Variants in CACNA1C observed in about 807,000 individuals in gnomAD.
The protein encoded by CACNA1C is voltage-dependent L-type calcium channel subunit alpha-1C.
Under a neutral mutation model 229.0 loss-of-function variants are expected in CACNA1C, and 30 were observed. The ratio of observed to expected loss-of-function variants is 0.13; its 90% confidence interval spans 0.10 to 0.18. The LOEUF is 0.18. Among genes scored for constraint, CACNA1C ranks in the 10% least tolerant of loss-of-function variants. The pLI, the probability that CACNA1C is intolerant of heterozygous loss-of-function variation, is 1.00. For synonymous variants in CACNA1C, 1,114 were observed against 1,132.5 expected, an observed-to-expected ratio of 0.98 and a Z score of 0.33; for missense variants, 1,658 against 2,845.0, an observed-to-expected ratio of 0.58 and a Z score of 9.49.
intron 3 of CACNA1C, among the ~76,000 whole-genome samples, chr12:2,424,868 T>C (rs1288523305): frequency 1.3e-5 from 2 of 152,242 alleles, no homozygotes; most frequent in Non-Finnish European, 2.9e-5. Flanking sequence ...CCTAACACCA[T>C]GACAAGGCCA....
At chr12:2,325,166 T>C (rs1221628034) in intron 3 of CACNA1C, among the ~76,000 whole-genome samples, 2 of 152,160 alleles carry the variant, frequency 1.3e-5, no homozygotes, top group Non-Finnish European at 2.9e-5. Flanking sequence ...TCCTATGCTC[T>C]GTGTGTCACC....
rs373500445 is a variant in CACNA1C, at chr12:2,432,765, C to T, written c.478-16211C>T. Among the ~76,000 whole-genome samples the T allele has an allele frequency of 2.6e-5, 4 of 152,340 alleles. 1 individual carries two copies. In the East Asian group the frequency reaches 5.8e-4, roughly 22 times the overall value. ...TGGCCTTGAGCAGGTCCTTCCCCCT[C>T]TTTGTGCTATACTGTCTTCATCTGA... On this transcript the variant is annotated intron_variant, in intron 3 of 46. Transcript: ENST00000399655.
chr12:2,353,803 A>G (rs1436963086), intron 3 of CACNA1C, among the ~76,000 whole-genome samples: 1 of 152,092 alleles, frequency 6.6e-6, no homozygotes, highest in African/African-American at 2.4e-5. Flanking sequence ...TGGGATTCTG[A>G]TGAGATGGCT....
At chr12:2,104,891 A>G (rs1446083824) in intron 1 of CACNA1C, among the ~76,000 whole-genome samples, 1 of 152,214 alleles carries the variant, frequency 6.6e-6, no homozygotes, top group Non-Finnish European at 1.5e-5. Context: ...GGCAAAAATT[A>G]TGGCAATTTG....
intron 3 of CACNA1C, among the ~76,000 whole-genome samples, chr12:2,331,497 G>C (rs2096547390): frequency 6.6e-6 from 1 of 152,236 alleles, no homozygotes. Context: ...AAAGGACACA[G>C]AAGTCCCATC....
intron 3 of CACNA1C, among the ~76,000 whole-genome samples, chr12:2,164,581 G>A (rs138526328): frequency 1.4e-3 from 217 of 152,250 alleles, no homozygotes; most frequent in African/African-American, 4.4e-3. Flanking sequence ...CTTATCACCC[G>A]CACCTCTGAT....
rs2097781795 is a variant in CACNA1C at position 2,691,079 on chromosome 12, C to T, written c.6297C>T (p.Asn2099=). 2 of 1,611,786 alleles carry T rather than the reference C, an allele frequency of 1.2e-6. No homozygotes were observed. The highest frequency in any genetic ancestry group is 1.1e-5 in the South Asian group (1 of 90,562). ...SPNGALLPFV[N]CRDAGQDRAG... Reference sequence around the variant, plus strand: ...ATGGCGCCCTCTTACCCTTTGTGAACTGCAGGGACGCGGGGCAGGACCGAG... The same window carrying T: ...ATGGCGCCCTCTTACCCTTTGTGAATTGCAGGGACGCGGGGCAGGACCGAG... The change falls in exon 47 of 47, where the codon AAC becomes AAT. Residue 2099 remains asparagine (N), a synonymous_variant. Coordinates refer to ENST00000399655, the MANE Select transcript of CACNA1C (RefSeq NM_000719.7).
At chr12:2,294,474 G>A (rs2093824934) in intron 3 of CACNA1C, among the ~76,000 whole-genome samples, 2 of 152,000 alleles carry the variant, frequency 1.3e-5, no homozygotes, top group African/African-American at 2.4e-5. Flanking sequence ...GAGGAGACTC[G>A]GAAGGGTCAC....
intron 3 of CACNA1C, among the ~76,000 whole-genome samples, chr12:2,228,763 C>T (rs370501526): frequency 6.6e-6 from 1 of 152,156 alleles, no homozygotes; most frequent in East Asian, 1.9e-4. Context: ...ATGAACAGTG[C>T]CCCACTTTTC....
intron 3 of CACNA1C, among the ~76,000 whole-genome samples, chr12:2,374,310 G>C (rs766611037): frequency 2.6e-5 from 4 of 152,140 alleles, no homozygotes; most frequent in Non-Finnish European, 5.9e-5. Flanking sequence ...GGTTCTATGT[G>C]GTTTTTTATT....
intron 3 of CACNA1C, among the ~76,000 whole-genome samples, chr12:2,334,074 A>C (rs1421261979): frequency 1.3e-5 from 2 of 152,116 alleles, no homozygotes; most frequent in African/African-American, 4.8e-5. Context: ...ATCATTCCTA[A>C]TGCTGCTTCC....
At chr12:2,192,984 C>T (rs1211441438) in intron 3 of CACNA1C, among the ~76,000 whole-genome samples, 1 of 152,226 alleles carries the variant, frequency 6.6e-6, no homozygotes, top group African/African-American at 2.4e-5. Flanking sequence ...TCTGTTTGAG[C>T]AGATTTCCCC....
intron 1 of CACNA1C, among the ~76,000 whole-genome samples, chr12:2,043,610 A>G (rs1222484354): frequency 2.0e-5 from 3 of 150,212 alleles, no homozygotes; most frequent in Non-Finnish European, 4.4e-5. Flanking sequence ...TCACTCTGCC[A>G]TGTGCCCCAG....
At chr12:2,517,589 C>A (rs1378381331) in intron 9 of CACNA1C, among the ~76,000 whole-genome samples, 4 of 152,212 alleles carry the variant, frequency 2.6e-5, no homozygotes, top group Admixed American at 6.5e-5. Flanking sequence ...AAGAGCCAAG[C>A]CCCTTTTCTC....
intron 31 of CACNA1C, among the ~76,000 whole-genome samples, chr12:2,648,802 T>C (rs2094605880): frequency 6.6e-6 from 1 of 152,164 alleles, no homozygotes. Context: ...CCATTTCCTG[T>C]TAAACACCCT....
At position 2,601,737 on chromosome 12, in the gene CACNA1C, C is replaced by T. The variant is rs550262230; in HGVS notation, c.2854-117C>T. Reference sequence around the variant, plus strand: ...CGCCGTCTTTGTCCTTCCTGTTCCCCATGGATGGTGCTTGGGACTTGCCCA... The same window carrying T: ...CGCCGTCTTTGTCCTTCCTGTTCCCTATGGATGGTGCTTGGGACTTGCCCA... On this transcript the variant is annotated intron_variant, in intron 21 of 46. Transcript: ENST00000399655. This position sits in a 1 kb window ranked among gnomAD's most constrained non-coding sequence, Gnocchi z 5.9. 2 of 739,764 alleles carry T rather than the reference C, an allele frequency of 2.7e-6. No individual in the cohort carries two copies. The highest frequency in any genetic ancestry group is 2.5e-6 in the Non-Finnish European group (1 of 399,766). The allele number at this position is 739,764 out of a possible 1,614,324, so 45.8% of individuals were successfully genotyped here.
At chr12:2,200,609 T>A (rs939645935) in intron 3 of CACNA1C, among the ~76,000 whole-genome samples, 1 of 152,186 alleles carries the variant, frequency 6.6e-6, no homozygotes, top group East Asian at 1.9e-4. Flanking sequence ...CCTACTCCCA[T>A]GAAGCTTATA....
At chr12:2,204,936 AT>A (rs1383469535) in intron 3 of CACNA1C, among the ~76,000 whole-genome samples, 1 of 128,048 alleles carries the variant, frequency 7.8e-6, no homozygotes, top group Non-Finnish European at 1.8e-5. Context: ...TAAAACTTTA[AT>A]AAAAAAAAAT....
rs940854113 is a variant in CACNA1C at position 2,582,938 on chromosome 12, A to G, written c.2220A>G (p.Gly740=). Residue 740 remains glycine, a synonymous_variant, in exon 15 of 47, where the codon GGA becomes GGG. Transcript: ENST00000399655. The stretch of plus-strand genomic sequence containing the variant: ...ACTTCATCATCCTCTTCATCTGTGG[A>G]AACTGTATCCTTTGCTGCTGCCCCC... ...CIYFIILFIC[G]NYILLNVFLA... The G allele has an allele frequency of 9.6e-6, 15 of 1,566,002 alleles. No homozygotes were observed. Among genetic ancestry groups the G allele is most frequent in the Non-Finnish European group, 1.3e-5 (15 of 1,154,556 alleles).
Sources: gnomAD v4.1 joint callset for allele counts (sites outside exome capture counted in the v4.1 genomes callset) on GRCh38, gnomAD v4.1.1 for gene constraint, Gnocchi (gnomAD v3.1) non-coding constraint, MANE v1.5 for transcripts, NCBI Gene and HGNC (gene_info 2026-07-23, HGNC 2026-07-21) for gene names.